SPOCK3: variants seen among roughly 807,000 people sequenced by gnomAD.
SPOCK3 encodes the protein testican-3.
In SPOCK3, 30 loss-of-function variants were observed where a neutral mutation model predicts 56.6. The ratio of observed to expected loss-of-function variants is 0.53; its 90% confidence interval spans 0.40 to 0.72. SPOCK3 has a LOEUF of 0.72. Ranked by LOEUF, SPOCK3 falls within the 30% of genes least tolerant of loss-of-function variation. SPOCK3 has a pLI of 0.00. For synonymous variants in SPOCK3, 196 were observed against 183.3 expected, an observed-to-expected ratio of 1.07 and a Z score of -0.56; for missense variants, 527 against 530.0, an observed-to-expected ratio of 0.99 and a Z score of 0.06.
intron 4 of SPOCK3, among the ~76,000 whole-genome samples, chr4:166,948,120 T>C (rs1742011260): frequency 1.3e-5 from 2 of 152,188 alleles, no homozygotes; most frequent in Admixed American, 1.3e-4. Flanking sequence ...GTGCTATTTG[T>C]CTTTCTGTGC....
chr4:166,807,808 G>C (rs1743338576), intron 6 of SPOCK3, among the ~76,000 whole-genome samples: 1 of 151,942 alleles, frequency 6.6e-6, no homozygotes, highest in African/African-American at 2.4e-5. Flanking sequence ...TCCAATTCTT[G>C]ATCTCAGATG....
At chr4:167,094,530 A>T (rs879833551) in intron 2 of SPOCK3, among the ~76,000 whole-genome samples, 1 of 152,140 alleles carries the variant, frequency 6.6e-6, no homozygotes, top group African/African-American at 2.4e-5. Context: ...TAACAATCAT[A>T]TCAATTAATG....
At position 167,136,931 on chromosome 4, in the gene SPOCK3, AG is replaced by A. The variant is rs377374043; in HGVS notation, c.190-74395del. 3.8e-3 allele frequency among the ~76,000 whole-genome samples: 581 copies of A among 152,164 alleles called. 1 individual carries two copies. Among genetic ancestry groups the A allele is most frequent in the African/African-American group, 0.013 (538 of 41,532 alleles). On this transcript the variant is annotated intron_variant, in intron 2 of 10. Coordinates refer to ENST00000357545, the MANE Select transcript of SPOCK3 (RefSeq NM_001040159.2). ...GAGTGGTCAGTAGTTGTTTGACGAAAGAATGACCTTGATTAAGTCATTTAAT... is the reference window on the plus strand; with the variant it reads ...GAGTGGTCAGTAGTTGTTTGACGAAAAATGACCTTGATTAAGTCATTTAAT...
At chr4:166,743,583 C>A (rs1735158115) in intron 8 of SPOCK3, among the ~76,000 whole-genome samples, 1 of 152,192 alleles carries the variant, frequency 6.6e-6, no homozygotes, top group Non-Finnish European at 1.5e-5. Flanking sequence ...AACTGAGGTA[C>A]TGGGTTCATC....
intron 6 of SPOCK3, among the ~76,000 whole-genome samples, chr4:166,834,501 G>A (rs1028022697): frequency 1.3e-5 from 2 of 152,214 alleles, no homozygotes; most frequent in East Asian, 1.9e-4. Flanking sequence ...GGTCAGGTGA[G>A]AAAATTCAAT....
rs1391746717 is a variant in SPOCK3 at position 167,000,467 on chromosome 4, A to G, written c.236-4T>C. 7.0e-7 allele frequency: 1 copy of G among 1,433,186 alleles called. No individual in the cohort carries two copies. Among genetic ancestry groups the G allele is most frequent in the East Asian group, 2.3e-5 (1 of 43,314 alleles). 88.8% of individuals were successfully genotyped at this position (1,433,186 alleles called of 1,614,324 possible). On this transcript the variant is annotated splice_polypyrimidine_tract_variant and splice_region_variant and intron_variant, in intron 3 of 10. Coordinates refer to ENST00000357545, the MANE Select transcript of SPOCK3 (RefSeq NM_001040159.2). ...GGATCCTTAGCTGGATCTAAAGCTA[A>G]AAAAATTGCAAAGAAAATATTAAAA... is the stretch of plus-strand genomic sequence containing the variant.
chr4:167,136,965 C>A (rs1198188712), intron 2 of SPOCK3, among the ~76,000 whole-genome samples: 1 of 152,038 alleles, frequency 6.6e-6, no homozygotes, highest in Non-Finnish European at 1.5e-5. Context: ...AATCCTGTGG[C>A]ACCTCAGTTC....
chr4:166,909,478 A>T (rs905471364), intron 5 of SPOCK3, among the ~76,000 whole-genome samples: 3 of 152,090 alleles, frequency 2.0e-5, no homozygotes, highest in African/African-American at 7.2e-5. Flanking sequence ...ATGAACAAAC[A>T]TTGTGGGTCT....
At chr4:167,024,308 TATC>T (rs1257380053) in intron 3 of SPOCK3, among the ~76,000 whole-genome samples, 1 of 152,086 alleles carries the variant, frequency 6.6e-6, no homozygotes, top group Non-Finnish European at 1.5e-5. Flanking sequence ...AGTTTAGAAA[TATC>T]ATATTATTAT....
chr4:167,143,596 T>A (rs1580422322), intron 2 of SPOCK3, among the ~76,000 whole-genome samples: 4 of 151,940 alleles, frequency 2.6e-5, no homozygotes, highest in Admixed American at 2.6e-4. Context: ...TAATCAACGG[T>A]GTCTTAAAAC....
intron 3 of SPOCK3, among the ~76,000 whole-genome samples, chr4:167,053,754 A>C (rs911602431): frequency 6.6e-6 from 1 of 152,132 alleles, no homozygotes; most frequent in Non-Finnish European, 1.5e-5. Flanking sequence ...GAACCAGTAG[A>C]TGTTAGGCTG....
rs112124561 is a variant in SPOCK3 at position 167,180,148 on chromosome 4, T to G, written c.189+53837A>C. On this transcript the variant is annotated intron_variant, in intron 2 of 10. Transcript: ENST00000357545. ...ACTGTTGTTTCAAATGAACTCAGCCTTCCTTGGGAGCACCTTGATAGAGAA... is the reference window on the plus strand; with the variant it reads ...ACTGTTGTTTCAAATGAACTCAGCCGTCCTTGGGAGCACCTTGATAGAGAA... Among the ~76,000 whole-genome samples the G allele has an allele frequency of 3.3e-3, 503 of 152,232 alleles. 2 individuals carry two copies. Among genetic ancestry groups the G allele is most frequent in the Non-Finnish European group, 5.4e-3 (366 of 68,004 alleles).
chr4:167,199,734 A>AATG (rs1733337273), intron 2 of SPOCK3, among the ~76,000 whole-genome samples: 1 of 140,938 alleles, frequency 7.1e-6, no homozygotes, highest in Admixed American at 7.3e-5. Context: ...TAATAATAAT[A>AATG]ATAACTTTAA....
At chr4:167,154,161 GT>G (rs1297733327) in intron 2 of SPOCK3, among the ~76,000 whole-genome samples, 1 of 152,026 alleles carries the variant, frequency 6.6e-6, no homozygotes, top group Non-Finnish European at 1.5e-5. Flanking sequence ...CCAAGAAGGG[GT>G]TCATAGACTT....
At chr4:166,799,679 G>A (rs1742336553) in intron 6 of SPOCK3, among the ~76,000 whole-genome samples, 1 of 152,250 alleles carries the variant, frequency 6.6e-6, no homozygotes, top group East Asian at 1.9e-4. Flanking sequence ...TTTAATCTGC[G>A]TGTAGATGAG....
intron 2 of SPOCK3, among the ~76,000 whole-genome samples, chr4:167,137,611 T>C (rs1333646010): frequency 6.6e-6 from 1 of 151,940 alleles, no homozygotes; most frequent in Non-Finnish European, 1.5e-5. Flanking sequence ...ACCTCATTCC[T>C]ATATATCATT....
chr4:166,855,493 G>A (rs1438635664), intron 6 of SPOCK3, among the ~76,000 whole-genome samples: 2 of 150,940 alleles, frequency 1.3e-5, no homozygotes, highest in Admixed American at 1.3e-4. Context: ...AGTACAAACT[G>A]TTTCTTATTA....
intron 4 of SPOCK3, among the ~76,000 whole-genome samples, chr4:166,996,302 A>G (rs1266154489): frequency 6.6e-6 from 1 of 152,144 alleles, no homozygotes; most frequent in Non-Finnish European, 1.5e-5. Context: ...TTTCCTTTTA[A>G]TATCAGCAGC....
chr4:166,737,446 A>AC (rs1734327441), intron 10 of SPOCK3, 21 bp downstream of exon 10: 11 of 1,601,246 alleles, frequency 6.9e-6, no homozygotes, highest in Middle Eastern at 1.7e-4. Flanking sequence ...AAATTATGAA[A>AC]TAAGTAACCC....
Sources: gnomAD v4.1 joint callset for allele counts (sites outside exome capture counted in the v4.1 genomes callset) on GRCh38, gnomAD v4.1.1 for gene constraint, MANE v1.5 for transcripts, NCBI Gene and HGNC (gene_info 2026-07-23, HGNC 2026-07-21) for gene names.